CEP128: variants seen among roughly 807,000 people sequenced by gnomAD.
CEP128 encodes the protein centrosomal protein 128.
A neutral mutation model predicts 156.7 loss-of-function variants in CEP128; 132 were observed. The ratio of observed to expected loss-of-function variants is 0.84; its 90% CI spans 0.73 to 0.97. CEP128 has a LOEUF of 0.97. Among genes scored for constraint, CEP128 ranks in the 50% least tolerant of loss-of-function variants. The pLI is 0.00. For missense variants in CEP128, 1,252 were observed against 1,281.9 expected, an observed-to-expected ratio of 0.98 and a Z score of 0.36; for synonymous variants, 469 against 448.9, an observed-to-expected ratio of 1.04 and a Z score of -0.57.
chr14:80,794,134 T>A (rs1263947375), intron 13 of CEP128, among the ~76,000 whole-genome samples: 2 of 152,160 alleles, frequency 1.3e-5, no homozygotes, highest in Non-Finnish European at 2.9e-5. Flanking sequence ...GGAATGAGGC[T>A]GTGAGTTGGA....
At position 80,742,430 on chromosome 14, in the gene CEP128, AG is replaced by A. The variant is rs373817370; in HGVS notation, c.2806+644del. 8.1e-3 allele frequency among the ~76,000 whole-genome samples: 1,236 copies of A among 152,116 alleles called. 15 individuals are homozygous for A. The highest frequency in any genetic ancestry group is 0.01 in the Non-Finnish European group (682 of 67,988). On this transcript the variant is annotated intron_variant, in intron 19 of 24. Transcript: ENST00000555265. ...TGCCTGTTTTCCAATTCCACTACCAAGGTGCTTCTTCAGTCCCTCTTTTCCT... is the reference window on the plus strand; with the variant it reads ...TGCCTGTTTTCCAATTCCACTACCAAGTGCTTCTTCAGTCCCTCTTTTCCT...
intron 20 of CEP128, 118 bp from the exon 21 acceptor site, chr14:80,559,420 G>C: frequency 1.3e-6 from 1 of 796,720 alleles, no homozygotes; most frequent in Non-Finnish European, 1.9e-6. Context: ...TTTTAAAAAT[G>C]TAAAAAATGA....
intron 21 of CEP128, among the ~76,000 whole-genome samples, chr14:80,543,694 TA>T (rs1167743452): frequency 2.0e-5 from 3 of 152,192 alleles, no homozygotes; most frequent in Non-Finnish European, 4.4e-5. Flanking sequence ...CTCCAATAGC[TA>T]GAAAGTCCTT....
In CEP128 at chr14:80,803,222, C is replaced by A. The variant is rs541959421; in HGVS notation, c.1210-10112G>T. 9.0e-4 allele frequency among the ~76,000 whole-genome samples: 137 copies of A among 152,166 alleles called. No homozygotes were observed. In the Middle Eastern group the frequency reaches 0.027, roughly 30 times the overall value. ...TGATATATATGAGCCATTCTTTGTG[C>A]TCTATTTCAAATCTTGCCTCTCTTC... is the stretch of plus-strand genomic sequence containing the variant. On this transcript the variant is annotated intron_variant, in intron 13 of 24. Coordinates refer to ENST00000555265, the MANE Select transcript of CEP128 (RefSeq NM_152446.5).
chr14:80,698,742 A>G (rs1466437902), intron 19 of CEP128, among the ~76,000 whole-genome samples: 1 of 152,174 alleles, frequency 6.6e-6, no homozygotes, highest in Non-Finnish European at 1.5e-5. Flanking sequence ...ATAGAGATAA[A>G]TTTAGACCTA....
At chr14:80,593,205 A>G (rs1892156790) in intron 19 of CEP128, among the ~76,000 whole-genome samples, 1 of 152,168 alleles carries the variant, frequency 6.6e-6, no homozygotes, top group African/African-American at 2.4e-5. Flanking sequence ...GAAGAGAGGA[A>G]GTCAAATTGT....
intron 9 of CEP128, among the ~76,000 whole-genome samples, chr14:80,853,553 C>T (rs1240331699): frequency 7.3e-5 from 11 of 151,362 alleles, no homozygotes; most frequent in Non-Finnish European, 1.5e-4. Context: ...AAAGAAAAAC[C>T]ATAAGGTACC....
chr14:80,832,934 T>C (rs1420171465), intron 12 of CEP128, among the ~76,000 whole-genome samples: 1 of 152,184 alleles, frequency 6.6e-6, no homozygotes, highest in African/African-American at 2.4e-5. Context: ...ATCTTAGCTA[T>C]ATGATTTCTG....
intron 8 of CEP128, among the ~76,000 whole-genome samples, chr14:80,878,158 G>A (rs548983898): frequency 1.3e-5 from 2 of 152,200 alleles, no homozygotes; most frequent in African/African-American, 4.8e-5. Flanking sequence ...GCACCTTCCA[G>A]CACACAGGTG....
chr14:80,693,087 C>A (rs567228660), intron 19 of CEP128, among the ~76,000 whole-genome samples: 16 of 152,208 alleles, frequency 1.1e-4, no homozygotes, highest in African/African-American at 3.9e-4. Context: ...ACCACACTTT[C>A]GAGTAGCAAA....
chr14:80,487,515 A>G (rs1199679841), downstream of CEP128, among the ~76,000 whole-genome samples: 2 of 152,220 alleles, frequency 1.3e-5, no homozygotes, highest in South Asian at 2.1e-4. Context: ...TCAGCTCTGC[A>G]CCAAGTGGAC....
chr14:80,924,948 G>A lies in CEP128; in HGVS notation c.-15-8386C>T, dbSNP rs80246971. ...AGTGGAGATGAAGTATAGCAGGGAT[G>A]AATTAACTCTGATGGCAAGGTAAAA... On this transcript the variant is annotated intron_variant, in intron 2 of 24. Transcript: ENST00000555265. Among the ~76,000 whole-genome samples the A allele has an allele frequency of 1.1e-3, 170 of 152,172 alleles. 1 individual carries two copies. Among genetic ancestry groups the A allele is most frequent in the East Asian group, 9.5e-3 (49 of 5,176 alleles).
chr14:80,765,408 G>A (rs1900191054), intron 16 of CEP128, among the ~76,000 whole-genome samples: 1 of 152,184 alleles, frequency 6.6e-6, no homozygotes, highest in South Asian at 2.1e-4. Flanking sequence ...ATAAGTAACG[G>A]CAGATGATAA....
chr14:80,495,362 C>T (rs1289716153), downstream of CEP128, among the ~76,000 whole-genome samples: 1 of 152,104 alleles, frequency 6.6e-6, no homozygotes, highest in African/African-American at 2.4e-5. Context: ...GGAGACAGGT[C>T]CCTGGATTTA....
chr14:80,808,728 C>A (rs565753476), intron 13 of CEP128, among the ~76,000 whole-genome samples: 1 of 152,110 alleles, frequency 6.6e-6, no homozygotes, highest in African/African-American at 2.4e-5. Context: ...TACCCTAAAC[C>A]ACCAAGAAAA....
chr14:80,759,907 G>GGT (rs3037144), intron 17 of CEP128, among the ~76,000 whole-genome samples: 6,280 of 150,322 alleles, frequency 0.042, 321 homozygotes, highest in African/African-American at 0.13. Context: ...CATATATATA[G>GGT]GTGTGTGTGT....
Position 80,526,868 on chromosome 14 carries a change from C to T in CEP128, c.3072+1G>A. On this transcript the variant is annotated splice_donor_variant, in intron 23 of 24. Transcript: ENST00000555265. LOFTEE classifies it high-confidence loss of function. ...CTAAAAAAGTATATAAAGAAAATTA[C>T]TTTGAAACTTTTGGTTCTGTACTTG... is the stretch of plus-strand genomic sequence containing the variant. 1.3e-6 allele frequency: 2 copies of T among 1,554,156 alleles called. No individual in the cohort carries two copies. The highest frequency in any genetic ancestry group is 8.8e-7 in the Non-Finnish European group (1 of 1,130,466).
rs1449126044 is a variant in CEP128, at chr14:80,563,493, C to T, written c.2857-4191G>A. 4.1e-5 allele frequency among the ~76,000 whole-genome samples: 6 copies of T among 147,530 alleles called. No individual in the cohort carries two copies. In the South Asian group the frequency reaches 8.8e-4, roughly 22 times the overall value. ...TATATACTTTTTGGGGTAATGCAGA[C>T]TCTCTGAAGCCTACCCATGGGCCTC... On this transcript the variant is annotated intron_variant, in intron 20 of 24. Transcript: ENST00000555265.
Position 80,900,413 on chromosome 14 carries a change from T to C in CEP128, c.481-384A>G, listed in dbSNP as rs571591208. The stretch of plus-strand genomic sequence containing the variant: ...GACTATTCCAGGATTACAAGCTATA[T>C]GGTCTCTGTCACAGTTAATCTTGCC... On this transcript the variant is annotated intron_variant, in intron 6 of 24. Coordinates refer to ENST00000555265, the MANE Select transcript of CEP128 (RefSeq NM_152446.5). Among the ~76,000 whole-genome samples, 9 of 152,352 alleles carry C rather than the reference T, an allele frequency of 5.9e-5. No homozygotes were observed. In the East Asian group the frequency reaches 1.5e-3, roughly 26 times the overall value.
Sources: allele counts gnomAD v4.1 joint callset (sites outside exome capture counted in the v4.1 genomes callset), GRCh38; gene constraint gnomAD v4.1.1; transcripts MANE v1.5; gene names NCBI Gene and HGNC (gene_info 2026-07-23, HGNC 2026-07-21).